KIZ: variants seen among roughly 807,000 people sequenced by gnomAD.
KIZ encodes the protein kizuna centrosomal protein.
In KIZ, 68 loss-of-function variants were observed where a neutral mutation model predicts 79.6. That is an observed-to-expected ratio of 0.85 (90% CI 0.70 to 1.05). KIZ has a LOEUF of 1.05. Ranked by LOEUF, KIZ falls within the 50% of genes least tolerant of loss-of-function variation. KIZ has a pLI of 0.00. For missense variants in KIZ, 797 were observed against 800.4 expected (o/e 1.00, Z 0.05); for synonymous variants, 280 against 281.8 (o/e 0.99, Z 0.06).
At chr20:21,202,624 C>A (rs2035643973) in intron 6 of KIZ, among the ~76,000 whole-genome samples, 1 of 152,112 alleles carries the variant, frequency 6.6e-6, no homozygotes, top group African/African-American at 2.4e-5. Context: ...CTGAACTGTA[C>A]CTAGACTTAC....
intron 11 of KIZ, among the ~76,000 whole-genome samples, chr20:21,236,505 T>C (rs1019468238): frequency 1.3e-5 from 2 of 152,180 alleles, no homozygotes; most frequent in African/African-American, 2.4e-5. Context: ...ATTTTCAGCC[T>C]TCTAATAAGA....
intron 9 of KIZ, among the ~76,000 whole-genome samples, chr20:21,216,131 A>G (rs1279491442): frequency 1.3e-5 from 2 of 152,244 alleles, no homozygotes; most frequent in Non-Finnish European, 2.9e-5. Context: ...ATCGGGCTTC[A>G]TCAAGACCTA....
chr20:21,184,222 A>G (rs1233050706), intron 6 of KIZ, among the ~76,000 whole-genome samples: 1 of 149,222 alleles, frequency 6.7e-6, no homozygotes, highest in African/African-American at 2.5e-5. Context: ...ATCTCAGATC[A>G]CTGCAACCTC....
chr20:21,158,892 C>T (rs1005067029), intron 4 of KIZ, among the ~76,000 whole-genome samples: 1 of 152,082 alleles, frequency 6.6e-6, no homozygotes, highest in Non-Finnish European at 1.5e-5. Flanking sequence ...TTCCTGGGCC[C>T]AAGCAGTTCT....
At chr20:21,176,162 T>A (rs1403743155) in intron 6 of KIZ, among the ~76,000 whole-genome samples, 2 of 152,108 alleles carry the variant, frequency 1.3e-5, no homozygotes, top group African/African-American at 4.8e-5. Context: ...ATACAAAAAT[T>A]AGCTGGGTGT....
intron 6 of KIZ, among the ~76,000 whole-genome samples, chr20:21,200,536 C>G (rs1040439542): frequency 2.6e-5 from 4 of 151,726 alleles, no homozygotes; most frequent in African/African-American, 7.3e-5. Flanking sequence ...GAGACAATGA[C>G]AGATCATCAG....
chr20:21,218,000 T>C (rs1307178814), intron 9 of KIZ: 1 of 152,064 alleles, frequency 6.6e-6, no homozygotes, highest in Non-Finnish European at 1.5e-5. Context: ...CCTTGAGTTG[T>C]GGTGGCCACT....
intron 7 of KIZ, among the ~76,000 whole-genome samples, chr20:21,212,653 A>G (rs899399675): frequency 2.0e-5 from 3 of 152,202 alleles, no homozygotes; most frequent in Non-Finnish European, 4.4e-5. Context: ...TACAAAGTAA[A>G]TTGAACTAGC....
chr20:21,246,372 T>G, intron 12 of KIZ, 107 bp from the exon 13 acceptor site: 2 of 708,880 alleles, frequency 2.8e-6, no homozygotes, highest in East Asian at 5.4e-5. Context: ...TGTTATGCAT[T>G]TTGCAGACTG....
chr20:21,238,806 C>G (rs573842227), intron 11 of KIZ, among the ~76,000 whole-genome samples: 1 of 152,314 alleles, frequency 6.6e-6, no homozygotes, highest in African/African-American at 2.4e-5. Context: ...GAGTCCGATG[C>G]CTTGCTCTGC....
intron 9 of KIZ, among the ~76,000 whole-genome samples, chr20:21,220,273 C>T (rs897024744): frequency 6.6e-6 from 1 of 151,726 alleles, no homozygotes; most frequent in Non-Finnish European, 1.5e-5. Flanking sequence ...CTCACTAAGC[C>T]TCCCTCATCT....
At chr20:21,175,909 A>G (rs1455424414) in intron 6 of KIZ, among the ~76,000 whole-genome samples, 2 of 152,150 alleles carry the variant, frequency 1.3e-5, no homozygotes, top group African/African-American at 4.8e-5. Flanking sequence ...CCAGCTACTC[A>G]GGAGGCTGAG....
chr20:21,206,693 T>G (rs1278137405), intron 7 of KIZ, among the ~76,000 whole-genome samples: 1 of 152,190 alleles, frequency 6.6e-6, no homozygotes, highest in Non-Finnish European at 1.5e-5. Context: ...GAAAAGCCAC[T>G]GGAGCTTTTT....
intron 6 of KIZ, among the ~76,000 whole-genome samples, chr20:21,201,208 A>C (rs2035584688): frequency 6.6e-6 from 1 of 152,142 alleles, no homozygotes; most frequent in African/African-American, 2.4e-5. Flanking sequence ...TCATATGCAA[A>C]GTTTACTATT....
chr20:21,163,561 T>A (rs563149798), intron 6 of KIZ, among the ~76,000 whole-genome samples: 25 of 152,292 alleles, frequency 1.6e-4, no homozygotes, highest in Middle Eastern at 3.4e-3. Flanking sequence ...AGCATTAGAG[T>A]CTGAGAACTT....
chr20:21,174,136 G>A (rs2034337537), intron 6 of KIZ, among the ~76,000 whole-genome samples: 2 of 152,172 alleles, frequency 1.3e-5, no homozygotes, highest in Admixed American at 1.3e-4. Context: ...GGTGCAGCTA[G>A]GGTCTAAACT....
chr20:21,162,749 T>C, intron 5 of KIZ, 101 bp from the exon 6 acceptor site: 1 of 938,650 alleles, frequency 1.1e-6, no homozygotes, highest in Non-Finnish European at 1.6e-6. Flanking sequence ...TGTGTGTGGG[T>C]TGCTTCTCCA....
At chr20:21,169,521 C>T (rs563958363) in intron 6 of KIZ, among the ~76,000 whole-genome samples, 4 of 152,268 alleles carry the variant, frequency 2.6e-5, no homozygotes, top group South Asian at 2.1e-4. Flanking sequence ...GTCAGTGTGG[C>T]GATTCCTCAG....
At chr20:21,198,181 G>A in intron 6 of KIZ, 1 of 152,520 alleles carries the variant, frequency 6.6e-6, no homozygotes, top group Non-Finnish European at 1.5e-5. Context: ...TTCTGCCTCA[G>A]CCTCTCGAGT....
Sources: gnomAD v4.1 joint callset for allele counts (sites outside exome capture counted in the v4.1 genomes callset) on GRCh38, gnomAD v4.1.1 for gene constraint, MANE v1.5 for transcripts, NCBI Gene and HGNC (gene_info 2026-07-23, HGNC 2026-07-21) for gene names.